Variants in HCN1 observed in about 807,000 individuals in gnomAD.
HCN1 encodes potassium/sodium hyperpolarization-activated cyclic nucleotide-gated channel 1.
HCN1 carries 13 observed loss-of-function variants against 78.9 expected under a neutral mutation model. The observed-to-expected ratio is 0.16, with a 90% CI of 0.11 to 0.26. HCN1 has a LOEUF of 0.26. Ranked by LOEUF, HCN1 falls within the 10% of genes least tolerant of loss-of-function variation. The pLI is 1.00. For missense variants in HCN1, 810 were observed against 1,154.3 expected (o/e 0.70, Z 4.32); for synonymous variants, 552 against 455.5 (o/e 1.21, Z -2.70).
intron 6 of HCN1, among the ~76,000 whole-genome samples, chr5:45,297,016 A>G (rs921910201): frequency 1.3e-5 from 2 of 152,080 alleles, no homozygotes; most frequent in African/African-American, 4.8e-5. Flanking sequence ...ACACACACAC[A>G]GAAATATAGA....
chr5:45,593,319 CT>C (rs1744418387), intron 2 of HCN1, among the ~76,000 whole-genome samples: 31 of 46,862 alleles, frequency 6.6e-4, no homozygotes, highest in Admixed American at 5.0e-3. Flanking sequence ...CTCTCTCTCT[CT>C]CCCTCTCTCT....
rs868070259 is a variant in HCN1, at chr5:45,375,191, T to C, written c.1230+21301A>G. On this transcript the variant is annotated intron_variant, in intron 4 of 7. Transcript: ENST00000303230. ...ATTTTATAATATATAATGTATTATA[T>C]ATAATATAATATTTTATAATATATA... Among the ~76,000 whole-genome samples, 60 of 120,910 alleles carry C rather than the reference T, an allele frequency of 5.0e-4. 1 individual carries two copies. The South Asian group carries it at 0.012, about 24-fold the overall frequency. The allele number at this position is 120,910 out of a possible 152,430, so 79.3% of individuals were successfully genotyped here. A position where few individuals can be genotyped will look rare whatever the true frequency, so the allele number is the denominator to read the frequency against.
intron 2 of HCN1, among the ~76,000 whole-genome samples, chr5:45,539,919 GATATATATATATATATATATATATAT>G (rs66934051): frequency 3.2e-5 from 4 of 126,106 alleles, no homozygotes; most frequent in African/African-American, 1.3e-4. Context: ...TAAATTGTGA[GATATATATATATATATATATATATAT>G]ATATATATAT....
At chr5:45,692,747 G>C (rs979536663) in intron 1 of HCN1, among the ~76,000 whole-genome samples, 1 of 152,120 alleles carries the variant, frequency 6.6e-6, no homozygotes, top group African/African-American at 2.4e-5. Flanking sequence ...GTCTCAGTGG[G>C]AGCACAGCCT....
At chr5:45,556,941 AC>A (rs1561200092) in intron 2 of HCN1, among the ~76,000 whole-genome samples, 4 of 151,954 alleles carry the variant, frequency 2.6e-5, no homozygotes, top group African/African-American at 9.7e-5. Flanking sequence ...TTAAAGCTTG[AC>A]TAATCTCTCA....
chr5:45,345,155 C>T (rs556273720), intron 5 of HCN1, among the ~76,000 whole-genome samples: 1 of 152,344 alleles, frequency 6.6e-6, no homozygotes, highest in Admixed American at 6.5e-5. Context: ...GAAGCCACAG[C>T]CTGAGCTGTA....
At chr5:45,373,646 A>T (rs965841471) in intron 4 of HCN1, among the ~76,000 whole-genome samples, 2 of 132,978 alleles carry the variant, frequency 1.5e-5, no homozygotes, top group African/African-American at 5.7e-5. Context: ...TACGTCATCT[A>T]TAATATATTA....
At chr5:45,653,530 T>G (rs931728670) in intron 1 of HCN1, among the ~76,000 whole-genome samples, 1 of 152,168 alleles carries the variant, frequency 6.6e-6, no homozygotes, top group African/African-American at 2.4e-5. Context: ...TATATACTGC[T>G]GATTTCCCAA....
chr5:45,583,877 A>G (rs1395029412), intron 2 of HCN1, among the ~76,000 whole-genome samples: 1 of 151,926 alleles, frequency 6.6e-6, no homozygotes, highest in African/African-American at 2.4e-5. Flanking sequence ...TGATTGCAAA[A>G]TCTGTGGTCT....
chr5:45,498,629 G>A (rs548630756), intron 2 of HCN1, among the ~76,000 whole-genome samples: 37 of 152,314 alleles, frequency 2.4e-4, no homozygotes, highest in Admixed American at 6.5e-4. Flanking sequence ...TGCTGGTGAG[G>A]AGCTGCGTTC....
chr5:45,473,980 G>A (rs538403766), intron 2 of HCN1, among the ~76,000 whole-genome samples: 81 of 151,760 alleles, frequency 5.3e-4, no homozygotes, highest in South Asian at 4.2e-4. Context: ...TGCTTTCTTG[G>A]TTTCTGAAAT....
intron 1 of HCN1, among the ~76,000 whole-genome samples, chr5:45,651,725 T>C (rs998109708): frequency 1.3e-5 from 2 of 151,966 alleles, no homozygotes; most frequent in Non-Finnish European, 2.9e-5. Flanking sequence ...AGATATTTTG[T>C]AAAATATGTG....
chr5:45,445,637 C>T (rs892375905), intron 3 of HCN1, among the ~76,000 whole-genome samples: 15 of 152,178 alleles, frequency 9.9e-5, no homozygotes, highest in African/African-American at 3.4e-4. Context: ...GAGGCACCCC[C>T]CAGTAGGGGC....
In HCN1 at chr5:45,256,372, T is replaced by TAA. The variant is rs34239756; in HGVS notation, c.*5547_*5548dup. 165 of 131,848 alleles carry TAA rather than the reference T, an allele frequency of 1.3e-3. 1 individual carries two copies. Among genetic ancestry groups the TAA allele is most frequent in the East Asian group, 2.6e-3 (12 of 4,576 alleles). The allele number at this position is 131,848 out of a possible 1,614,324, so 8.2% of individuals were successfully genotyped here. ...TGGGTGACAGAGCCAGACTCCATCTTAAAAAAAAAAAAAAAAAAAGATGTT... is the reference window on the plus strand; with the variant it reads ...TGGGTGACAGAGCCAGACTCCATCTTAAAAAAAAAAAAAAAAAAAAAGATGTT... On this transcript the variant is annotated 3_prime_UTR_variant, in exon 8 of 8. Transcript: ENST00000303230.
intron 3 of HCN1, among the ~76,000 whole-genome samples, chr5:45,417,373 C>T (rs1339981114): frequency 6.6e-6 from 1 of 151,814 alleles, no homozygotes; most frequent in Non-Finnish European, 1.5e-5. Flanking sequence ...GTATTTTATA[C>T]TAAGCTATGT....
At chr5:45,327,980 T>C (rs1026063963) in intron 5 of HCN1, among the ~76,000 whole-genome samples, 2 of 151,604 alleles carry the variant, frequency 1.3e-5, no homozygotes, top group Non-Finnish European at 3.0e-5. Flanking sequence ...AAAAAACTAA[T>C]ACAGCAAGTT....
intron 7 of HCN1, among the ~76,000 whole-genome samples, chr5:45,263,986 G>A (rs1444505179): frequency 6.6e-6 from 1 of 151,974 alleles, no homozygotes; most frequent in African/African-American, 2.4e-5. Context: ...GTAGAGATGG[G>A]GTTTCACCAT....
chr5:45,322,025 T>C (rs975653664), intron 5 of HCN1, among the ~76,000 whole-genome samples: 2 of 151,866 alleles, frequency 1.3e-5, no homozygotes, highest in Non-Finnish European at 2.9e-5. Context: ...ACAAATGAGA[T>C]CTTGAGGCAT....
chr5:45,445,636 C>T (rs572713069), intron 3 of HCN1, among the ~76,000 whole-genome samples: 7 of 152,302 alleles, frequency 4.6e-5, no homozygotes, highest in African/African-American at 1.7e-4. Context: ...GGAGGCACCC[C>T]CCAGTAGGGG....
Sources: allele counts gnomAD v4.1 joint callset (sites outside exome capture counted in the v4.1 genomes callset), GRCh38; gene constraint gnomAD v4.1.1; transcripts MANE v1.5; gene names NCBI Gene and HGNC (gene_info 2026-07-23, HGNC 2026-07-21).